The following UNC5D variants were observed in gnomAD, a reference collection of about 807,000 sequenced individuals.
UNC5D encodes unc-5 netrin receptor D, also known as netrin receptor UNC5D.
UNC5D carries 39 observed loss-of-function variants against 105.4 expected under a neutral mutation model. That is an observed-to-expected ratio of 0.37 (90% CI 0.29 to 0.48). The LOEUF is 0.48. UNC5D is among the 20% of genes least tolerant of loss of function. The pLI is 0.98. For synonymous variants in UNC5D, 452 were observed against 450.4 expected, an observed-to-expected ratio of 1.00 and a Z score of -0.04; for missense variants, 991 against 1,202.4, an observed-to-expected ratio of 0.82 and a Z score of 2.60.
intron 1 of UNC5D, among the ~76,000 whole-genome samples, chr8:35,409,717 T>A (rs1805035361): frequency 6.6e-6 from 1 of 152,012 alleles, no homozygotes; most frequent in Admixed American, 6.6e-5. Context: ...CTTAGCCTTA[T>A]GTTTTGCAGA....
chr8:35,781,870 C>A (rs1312891166), intron 16 of UNC5D, among the ~76,000 whole-genome samples: 1 of 152,140 alleles, frequency 6.6e-6, no homozygotes, highest in African/African-American at 2.4e-5. Flanking sequence ...AAAAAGAATT[C>A]TTGCTTTTTT....
At chr8:35,289,535 A>G (rs1039946233) in intron 1 of UNC5D, among the ~76,000 whole-genome samples, 3 of 152,200 alleles carry the variant, frequency 2.0e-5, no homozygotes, top group African/African-American at 7.2e-5. Context: ...TCCATCCAAC[A>G]ATGGTAAAAT....
intron 1 of UNC5D, among the ~76,000 whole-genome samples, chr8:35,298,404 T>C (rs1338383527): frequency 2.0e-5 from 3 of 152,188 alleles, no homozygotes; most frequent in Non-Finnish European, 4.4e-5. Context: ...TCCATTTTTC[T>C]TGGATTCAGA....
chr8:35,326,684 G>C (rs1280853442), intron 1 of UNC5D, among the ~76,000 whole-genome samples: 3 of 152,066 alleles, frequency 2.0e-5, no homozygotes, highest in East Asian at 1.9e-4. Flanking sequence ...ATGAGCCTAG[G>C]AGTCAGGGGC....
intron 8 of UNC5D, 102 bp from the exon 9 acceptor site, chr8:35,722,108 C>T: frequency 1.6e-6 from 2 of 1,290,066 alleles, no homozygotes; most frequent in Admixed American, 4.0e-5. Flanking sequence ...TGTCTCTGAG[C>T]AGTAGCTCCA....
In UNC5D at chr8:35,780,553, G is replaced by A. The variant is rs12679901; in HGVS notation, c.2657+6076G>A. 2.1e-4 allele frequency among the ~76,000 whole-genome samples: 32 copies of A among 152,310 alleles called. No individual in the cohort carries two copies. In the East Asian group the frequency reaches 6.0e-3, roughly 28 times the overall value. The stretch of plus-strand genomic sequence containing the variant: ...TGAGGTAGGAGAGTCCTAGAGCCAT[G>A]TTCCTTTAAAGTGAAGGAAGAAGGG... On this transcript the variant is annotated intron_variant, in intron 16 of 16. Coordinates refer to ENST00000404895, the MANE Select transcript of UNC5D (RefSeq NM_080872.4).
chr8:35,274,918 C>G (rs1029925404), intron 1 of UNC5D, among the ~76,000 whole-genome samples: 1 of 151,744 alleles, frequency 6.6e-6, no homozygotes, highest in African/African-American at 2.4e-5. Flanking sequence ...GGTGAAACCC[C>G]GTCTCTCCTA....
chr8:35,355,411 A>G (rs962204945), intron 1 of UNC5D, among the ~76,000 whole-genome samples: 8 of 152,122 alleles, frequency 5.3e-5, no homozygotes, highest in African/African-American at 1.2e-4. Flanking sequence ...TGAATATCCA[A>G]TGCAGCTTCT....
chr8:35,411,100 C>T (rs1805133862), intron 1 of UNC5D, among the ~76,000 whole-genome samples: 1 of 151,978 alleles, frequency 6.6e-6, no homozygotes, highest in African/African-American at 2.4e-5. Context: ...ATAGAGATCA[C>T]TGAAAACTAG....
chr8:35,520,177 G>A (rs1813367966), intron 1 of UNC5D, among the ~76,000 whole-genome samples: 1 of 152,050 alleles, frequency 6.6e-6, no homozygotes, highest in African/African-American at 2.4e-5. Flanking sequence ...ATCCACTGAT[G>A]AATGAAAAAG....
intron 1 of UNC5D, among the ~76,000 whole-genome samples, chr8:35,508,649 A>G (rs776096352): frequency 1.1e-4 from 17 of 152,248 alleles, no homozygotes; most frequent in Admixed American, 3.9e-4. Context: ...AGAAGATTTC[A>G]GAGAGTGAAG....
chr8:35,709,078 T>G (rs886819320), intron 8 of UNC5D, among the ~76,000 whole-genome samples: 2 of 151,976 alleles, frequency 1.3e-5, no homozygotes, highest in African/African-American at 4.8e-5. Flanking sequence ...TGCCACCTAC[T>G]AGATCTCAAA....
chr8:35,671,503 G>A (rs1824802860), intron 4 of UNC5D, among the ~76,000 whole-genome samples: 1 of 152,170 alleles, frequency 6.6e-6, no homozygotes, highest in Non-Finnish European at 1.5e-5. Context: ...GTTTGGAGCA[G>A]GTAATGACAA....
intron 4 of UNC5D, among the ~76,000 whole-genome samples, chr8:35,643,058 TGA>T (rs1822846529): frequency 6.6e-6 from 1 of 152,124 alleles, no homozygotes; most frequent in South Asian, 2.1e-4. Flanking sequence ...ATAGGAGAAG[TGA>T]GAGTTACTCT....
chr8:35,715,476 TTTTATGTTAACAGTACAG>T (rs1022305352), intron 8 of UNC5D, among the ~76,000 whole-genome samples: 4 of 152,244 alleles, frequency 2.6e-5, no homozygotes, highest in Admixed American at 2.0e-4. Flanking sequence ...ATTTGTTCTT[TTTTATGTTAACAGTACAG>T]TGTTAACTGA....
At chr8:35,721,549 T>G (rs1244171886) in intron 8 of UNC5D, 1 of 702,320 alleles carries the variant, frequency 1.4e-6, no homozygotes, top group Non-Finnish European at 2.6e-6. Context: ...ATTTAATTGG[T>G]GTCAGAAAAC....
chr8:35,284,491 C>A (rs931434880), intron 1 of UNC5D, among the ~76,000 whole-genome samples: 1 of 152,048 alleles, frequency 6.6e-6, no homozygotes, highest in Non-Finnish European at 1.5e-5. Flanking sequence ...GCATATAAAC[C>A]ACATCTATTT....
At chr8:35,393,279 G>A (rs541471772) in intron 1 of UNC5D, among the ~76,000 whole-genome samples, 2 of 150,940 alleles carry the variant, frequency 1.3e-5, no homozygotes, top group East Asian at 2.0e-4. Context: ...GACTACAGGC[G>A]CCCGCCACCT....
At chr8:35,546,828 A>G (rs1265603356) in intron 1 of UNC5D, among the ~76,000 whole-genome samples, 1 of 152,118 alleles carries the variant, frequency 6.6e-6, no homozygotes, top group Non-Finnish European at 1.5e-5. Context: ...CTGAGATTCC[A>G]CCCCGAAACC....
Sources: allele counts gnomAD v4.1 joint callset (sites outside exome capture counted in the v4.1 genomes callset), GRCh38; gene constraint gnomAD v4.1.1; transcripts MANE v1.5; gene names NCBI Gene and HGNC (gene_info 2026-07-23, HGNC 2026-07-21).